The following NLGN4X variants were observed in gnomAD, a reference collection of about 807,000 sequenced individuals.
NLGN4X encodes the protein neuroligin 4 X-linked.
In NLGN4X, 3 loss-of-function variants were observed where a neutral mutation model predicts 40.3. The ratio of observed to expected loss-of-function variants is 0.07; its 90% CI spans 0.03 to 0.19. The LOEUF is 0.19. Ranked by LOEUF, NLGN4X falls within the 10% of genes least tolerant of loss-of-function variation. The probability of loss-of-function intolerance (pLI) is 1.00; values close to 1 mark genes in which losing one functional copy is unlikely to be tolerated. For missense variants in NLGN4X, 382 were observed against 708.3 expected (o/e 0.54, Z 5.23); for synonymous variants, 270 against 306.8 (o/e 0.88, Z 1.25).
At chrX:6,015,391 ACT>A (rs1275437554) in intron 3 of NLGN4X, among the ~76,000 whole-genome samples, 9 of 106,808 alleles carry the variant, frequency 8.4e-5, no homozygotes, top group Admixed American at 2.0e-4. Context: ...ACTCTATCTC[ACT>A]CTCTCTCTCT....
In NLGN4X at chrX:6,227,478, A is replaced by G. The variant is rs748796230; in HGVS notation, c.-306+1063T>C. Reference sequence around the variant, plus strand: ...GCTCCTTCGGAAAAGCGGGCAGTTCAGAGATGGTTCCCAGGGCGGCAGCTG... The same window carrying G: ...GCTCCTTCGGAAAAGCGGGCAGTTCGGAGATGGTTCCCAGGGCGGCAGCTG... On this transcript the variant is annotated intron_variant, in intron 1 of 5. Coordinates refer to ENST00000381095, the MANE Select transcript of NLGN4X (RefSeq NM_181332.3). Among the ~76,000 whole-genome samples the G allele has an allele frequency of 7.3e-5, 8 of 108,914 alleles. No individual in the cohort carries two copies. In the South Asian group the frequency reaches 2.9e-3, roughly 40 times the overall value. 94.6% of individuals were successfully genotyped at this position (108,914 alleles called of 115,157 possible).
chrX:6,017,089 G>A (rs1207866813), intron 3 of NLGN4X, among the ~76,000 whole-genome samples: 1 of 111,445 alleles, frequency 9.0e-6, no homozygotes, highest in South Asian at 3.8e-4. Flanking sequence ...CACTTCAAAC[G>A]TGCACGCTGG....
chrX:6,204,943 A>C (rs1385853562), intron 1 of NLGN4X, among the ~76,000 whole-genome samples: 1 of 111,770 alleles, frequency 8.9e-6, no homozygotes, highest in East Asian at 2.8e-4. Context: ...TGGATGCAGC[A>C]ATCAGGCAAA....
At chrX:6,175,655 GAAAAAAA>G (rs3045369) in intron 1 of NLGN4X, among the ~76,000 whole-genome samples, 3 of 60,993 alleles carry the variant, frequency 4.9e-5, no homozygotes, top group Non-Finnish European at 8.6e-5. Flanking sequence ...ATCTATTACA[GAAAAAAA>G]AAAAAAAAAA....
intron 3 of NLGN4X, among the ~76,000 whole-genome samples, chrX:5,951,848 G>A (rs960552353): frequency 1.8e-5 from 2 of 111,769 alleles, no homozygotes; most frequent in East Asian, 2.8e-4. Flanking sequence ...TTTCTAGGGG[G>A]ACAACTACCG....
rs1399913030 is a variant in NLGN4X, at chrX:6,069,665, T to C, written c.473-40233A>G. Among the ~76,000 whole-genome samples the C allele has an allele frequency of 2.7e-5, 3 of 112,188 alleles. No individual in the cohort carries two copies. In the East Asian group the frequency reaches 8.4e-4, roughly 31 times the overall value. On this transcript the variant is annotated intron_variant, in intron 2 of 5. Coordinates refer to ENST00000381095, the MANE Select transcript of NLGN4X (RefSeq NM_181332.3). ...TATTATAACAAGGCCTACCTTTTGG[T>C]AAGTCTAAACACTTTACTGTGGAAA...
chrX:6,194,483 T>C (rs1386416844), intron 1 of NLGN4X, among the ~76,000 whole-genome samples: 3 of 111,356 alleles, frequency 2.7e-5, no homozygotes, highest in African/African-American at 9.8e-5. Context: ...TTTGCATCTA[T>C]AGGAAAGATG....
chrX:5,993,738 G>T lies in NLGN4X; in HGVS notation c.625+35542C>A, dbSNP rs773150147. On this transcript the variant is annotated intron_variant, in intron 3 of 5. Transcript: ENST00000381095. ...CCCTGTCAGCTACGATGGTGATGGA[G>T]CCAAATGTGAACCACATAGAAAGAA... Among the ~76,000 whole-genome samples, 119 of 111,994 alleles carry T rather than the reference G, an allele frequency of 1.1e-3. 1 individual carries two copies. Among genetic ancestry groups the T allele is most frequent in the African/African-American group, 3.8e-3 (118 of 30,842 alleles).
chrX:5,939,468 G>T (rs1569142728), intron 3 of NLGN4X, among the ~76,000 whole-genome samples: 1 of 110,850 alleles, frequency 9.0e-6, no homozygotes, highest in Admixed American at 9.6e-5. Context: ...CTACAAAGAG[G>T]ACATGACATT....
chrX:6,083,544 G>A (rs747913269), intron 2 of NLGN4X, among the ~76,000 whole-genome samples: 1 of 112,290 alleles, frequency 8.9e-6, no homozygotes, highest in Non-Finnish European at 1.9e-5. Flanking sequence ...GTAGCTTGAA[G>A]GTAGGAGGCA....
chrX:6,079,194 G>C (rs907332990), intron 2 of NLGN4X, among the ~76,000 whole-genome samples: 4 of 111,637 alleles, frequency 3.6e-5, no homozygotes, highest in African/African-American at 1.3e-4. Context: ...AATTGGGTTG[G>C]TTCCTCTCTT....
chrX:6,116,287 T>C (rs1237097360), intron 2 of NLGN4X, among the ~76,000 whole-genome samples: 1 of 8,010 alleles, frequency 1.2e-4, no homozygotes, highest in African/African-American at 5.7e-4. Flanking sequence ...ACCGAGACTC[T>C]GTCAAAAAAA....
intron 3 of NLGN4X, among the ~76,000 whole-genome samples, chrX:5,973,011 T>A (rs757634084): frequency 8.9e-6 from 1 of 112,630 alleles, no homozygotes; most frequent in Non-Finnish European, 1.9e-5. Context: ...ATATATAGAT[T>A]GCTTTTAATA....
intron 3 of NLGN4X, among the ~76,000 whole-genome samples, chrX:5,951,009 AG>A (rs2034291795): frequency 8.9e-6 from 1 of 112,303 alleles, no homozygotes; most frequent in Admixed American, 9.4e-5. Flanking sequence ...ACTTGTTCTG[AG>A]AACAATAATC....
intron 2 of NLGN4X, among the ~76,000 whole-genome samples, chrX:6,036,452 T>C (rs1039637431): frequency 2.7e-5 from 3 of 111,908 alleles, no homozygotes; most frequent in Non-Finnish European, 5.6e-5. Context: ...TATTTGTCCA[T>C]GTAAATATAA....
At chrX:6,226,999 C>T (rs773564686) in intron 1 of NLGN4X, 1 of 113,761 alleles carries the variant, frequency 8.8e-6, no homozygotes, top group Non-Finnish European at 1.8e-5. Flanking sequence ...TCTGCGTGGT[C>T]TCGAAGCCCC....
chrX:6,113,944 C>G (rs912658201), intron 2 of NLGN4X, among the ~76,000 whole-genome samples: 2 of 110,894 alleles, frequency 1.8e-5, no homozygotes, highest in Non-Finnish European at 3.8e-5. Flanking sequence ...CCTCAGCTTC[C>G]CAAGTAGCTG....
intron 2 of NLGN4X, among the ~76,000 whole-genome samples, chrX:6,120,529 T>C (rs935279456): frequency 8.1e-5 from 9 of 111,615 alleles, no homozygotes; most frequent in Non-Finnish European, 3.8e-5. Flanking sequence ...TCAGTAATCC[T>C]CACAACAGCC....
At chrX:5,910,295 G>A (rs1332042573) in intron 3 of NLGN4X, among the ~76,000 whole-genome samples, 2 of 109,099 alleles carry the variant, frequency 1.8e-5, no homozygotes, top group African/African-American at 3.3e-5. Flanking sequence ...TACTGGATAT[G>A]CCTTCCAAAA....
Sources: gnomAD v4.1 joint callset for allele counts (sites outside exome capture counted in the v4.1 genomes callset) on GRCh38, gnomAD v4.1.1 for gene constraint, MANE v1.5 for transcripts, NCBI Gene and HGNC (gene_info 2026-07-23, HGNC 2026-07-21) for gene names.